The following SLC37A2 variants were observed in gnomAD, a reference collection of about 807,000 sequenced individuals.
SLC37A2 encodes the protein solute carrier family 37 member 2, also known as glucose-6-phosphate exchanger SLC37A2.
In SLC37A2, 59 loss-of-function variants were observed where a neutral mutation model predicts 70.7. The observed-to-expected ratio is 0.83, with a 90% CI of 0.68 to 1.04. The LOEUF (loss-of-function observed/expected upper bound fraction) is 1.04, where lower values mean the gene tolerates loss of function less well. Among genes scored for constraint, SLC37A2 ranks in the 50% least tolerant of loss-of-function variants. The pLI, the probability that SLC37A2 is intolerant of heterozygous loss-of-function variation, is 0.00. For missense variants in SLC37A2, 580 were observed against 658.1 expected (o/e 0.88, Z 1.30); for synonymous variants, 257 against 262.1 (o/e 0.98, Z 0.19).
intron 17 of SLC37A2, chr11:125,087,860 A>G (rs6590128): frequency 0.8 from 288,633 of 359,782 alleles, 117,214 homozygotes; most frequent in East Asian, 0.97. Context: ...TTGAACTCCC[A>G]ACCTCAGGTG....
chr11:125,085,105 A>G lies in SLC37A2; in HGVS notation c.1214A>G (p.Tyr405Cys), dbSNP rs529036374. Residue 405 changes from tyrosine (Y) to cysteine (C), a missense_variant, in exon 14 of 18, where the codon TAC (tyrosine) becomes TGC (cysteine). Coordinates refer to ENST00000403796, the MANE Select transcript of SLC37A2 (RefSeq NM_001145290.2). ...IICGGLVNGP[Y>C]ALITTAVSAD... is the part of the protein sequence containing the mutation. ...TGTGGGGGCCTGGTCAATGGCCCATACGCGCTCATCACCACTGCTGTCTCT... is the reference window on the plus strand; with the variant it reads ...TGTGGGGGCCTGGTCAATGGCCCATGCGCGCTCATCACCACTGCTGTCTCT... 8 of 1,614,006 alleles carry G rather than the reference A, an allele frequency of 5.0e-6. No homozygotes were observed. The highest frequency in any genetic ancestry group is 2.2e-5 in the East Asian group (1 of 44,880).
At chr11:125,084,673 C>T in intron 12 of SLC37A2, 152 bp from the exon 13 acceptor site, 1 of 791,040 alleles carries the variant, frequency 1.3e-6, no homozygotes, top group Non-Finnish European at 2.1e-6. Flanking sequence ...ATCCCTGGGA[C>T]ATTTAAAGAC....
chr11:125,072,039 A>T (rs1949034674), intron 1 of SLC37A2, among the ~76,000 whole-genome samples: 1 of 151,322 alleles, frequency 6.6e-6, no homozygotes, highest in Non-Finnish European at 1.5e-5. Context: ...CTGGGGAGTG[A>T]CTAGGGAGCC....
Position 125,080,211 on chromosome 11 carries a change from A to G in SLC37A2, c.528-403A>G, listed in dbSNP as rs904259307. Among the ~76,000 whole-genome samples, 3 of 152,170 alleles carry G rather than the reference A, an allele frequency of 2.0e-5. No homozygotes were observed. Among genetic ancestry groups the G allele is most frequent in the African/African-American group, 7.2e-5 (3 of 41,434 alleles). On this transcript the variant is annotated intron_variant, in intron 6 of 17. Transcript: ENST00000403796. This position sits in a 1 kb window ranked among gnomAD's most constrained non-coding sequence, Gnocchi z 4.3. ...TCCTGGCATCTGCTCACTGGATGCC[A>G]TAGCACACCCTGAGCTGTGACCATG...
intron 12 of SLC37A2, among the ~76,000 whole-genome samples, chr11:125,084,598 G>A (rs563500110): frequency 6.6e-6 from 1 of 152,352 alleles, no homozygotes; most frequent in Non-Finnish European, 1.5e-5. Context: ...AGAGATTGAG[G>A]TTGAATCTGA....
At chr11:125,076,884 T>TA (rs1949093206) in intron 2 of SLC37A2, 46 bp downstream of exon 2, 1 of 1,590,014 alleles carries the variant, frequency 6.3e-7, no homozygotes, top group African/African-American at 1.3e-5. Flanking sequence ...CACACTGTCG[T>TA]AACCGTCCTT....
chr11:125,068,960 C>T (rs1047315079), intron 1 of SLC37A2, among the ~76,000 whole-genome samples: 2 of 152,174 alleles, frequency 1.3e-5, no homozygotes, highest in Non-Finnish European at 2.9e-5. Context: ...AGTGGACTGG[C>T]CCTGGGCCTT....
At chr11:125,069,842 T>C (rs1351195262) in intron 1 of SLC37A2, among the ~76,000 whole-genome samples, 1 of 152,246 alleles carries the variant, frequency 6.6e-6, no homozygotes, top group Non-Finnish European at 1.5e-5. Flanking sequence ...CCTCCTCCTG[T>C]TAGGCCTTCC....
At position 125,085,457 on chromosome 11, in the gene SLC37A2, C is replaced by T. The variant is rs149315348; in HGVS notation, c.1311C>T (p.Asp437=). The T allele has an allele frequency of 7.2e-5, 117 of 1,613,910 alleles. No individual in the cohort carries two copies. The African/African-American group carries it at 1.1e-3, about 15-fold the overall frequency. Residue 437 remains aspartate, a synonymous_variant, in exon 15 of 18, where the codon GAC becomes GAT. Coordinates refer to ENST00000403796, the MANE Select transcript of SLC37A2 (RefSeq NM_001145290.2). ...KALSTVTAII[D]GTGSIGAALG... ...TGTCCACGGTCACGGCCATCATTGA[C>T]GGCACCGGCTCCATAGGTCTGTGAC...
At chr11:125,065,476 T>C (rs1296906429) in intron 1 of SLC37A2, among the ~76,000 whole-genome samples, 1 of 152,256 alleles carries the variant, frequency 6.6e-6, no homozygotes, top group African/African-American at 2.4e-5. Flanking sequence ...AGGTTTTACC[T>C]ACTGTACTGA....
Position 125,068,555 on chromosome 11 carries a change from A to G in SLC37A2, c.59+5129A>G, listed in dbSNP as rs191193691. ...GGCCCTGCTCTACTTATTGAGTGCC[A>G]AAGGATGGCATTTCCTATGTGCCAT... On this transcript the variant is annotated intron_variant, in intron 1 of 17. Coordinates refer to ENST00000403796, the MANE Select transcript of SLC37A2 (RefSeq NM_001145290.2). 1.6e-4 allele frequency among the ~76,000 whole-genome samples: 24 copies of G among 152,302 alleles called. No individual in the cohort carries two copies. In the East Asian group the frequency reaches 4.0e-3, roughly 26 times the overall value.
intron 3 of SLC37A2, 47 bp from the exon 4 acceptor site, chr11:125,077,402 CA>C: frequency 6.3e-7 from 1 of 1,596,620 alleles, no homozygotes; most frequent in South Asian, 1.1e-5. Context: ...GGGCTTCCTG[CA>C]GGGGCATCCA....
chr11:125,077,267 C>A lies in SLC37A2; in HGVS notation c.179C>A (p.Pro60His), dbSNP rs1591630946. ...CAGAACTGCTCGGAGCAGATCAAAC[C>A]CATCAATGATACTCACAGTCTCAAT... ...LHQNCSEQIKPINDTHSLNDT... is the reference protein window; with the variant it reads ...LHQNCSEQIKHINDTHSLNDT... Residue 60 changes from proline (P) to histidine (H), a missense_variant, in exon 3 of 18, where the codon CCC (proline) becomes CAC (histidine). Physicochemically the swap from Pro to His is moderately conservative, Grantham distance 77 (BLOSUM62 -2). Coordinates refer to ENST00000403796, the MANE Select transcript of SLC37A2 (RefSeq NM_001145290.2). 6.2e-7 allele frequency: 1 copy of A among 1,608,070 alleles called. No homozygotes were observed. Among genetic ancestry groups the A allele is most frequent in the East Asian group, 2.2e-5 (1 of 44,854 alleles).
At chr11:125,076,044 G>A (rs575042265) in intron 1 of SLC37A2, among the ~76,000 whole-genome samples, 11 of 152,260 alleles carry the variant, frequency 7.2e-5, no homozygotes, top group South Asian at 4.1e-4. Flanking sequence ...GGGAGCGGCC[G>A]GGGCACAGTG....
At chr11:125,079,349 G>C (rs1949123762) in intron 5 of SLC37A2, 102 bp downstream of exon 5, 13 of 1,457,250 alleles carry the variant, frequency 8.9e-6, no homozygotes, top group Non-Finnish European at 1.2e-5. Flanking sequence ...CTGGCTCCCT[G>C]TCCAGTGCTC....
In SLC37A2 at chr11:125,071,144, G is replaced by A. The variant is rs144831426; in HGVS notation, c.60-5613G>A. Among the ~76,000 whole-genome samples, 580 of 152,202 alleles carry A rather than the reference G, an allele frequency of 3.8e-3. 5 individuals carry two copies. Among genetic ancestry groups the A allele is most frequent in the African/African-American group, 0.013 (552 of 41,502 alleles). ...ACTAAGTTGGTGTGTGTGTGGGGTG[G>A]GGGGGCGGTGTCACTGCTCTCCTGT... On this transcript the variant is annotated intron_variant, in intron 1 of 17. Transcript: ENST00000403796.
Position 125,081,819 on chromosome 11 carries a change from G to A in SLC37A2, c.798G>A (p.Glu266=), listed in dbSNP as rs761183533. The A allele has an allele frequency of 5.0e-6, 8 of 1,613,870 alleles. No individual in the cohort carries two copies. In the Admixed American group the frequency reaches 1.0e-4, roughly 20 times the overall value. The part of the protein sequence containing the change: ...DPGNSPCSIR[E]SGLETVAKCS... The stretch of plus-strand genomic sequence containing the variant: ...GGAACAGTCCCTGCTCTATCAGGGA[G>A]AGCGGCCTTGAGACTGTGGCCAAAT... Residue 266 remains glutamate (E), a synonymous_variant, in exon 9 of 18, where the codon GAG becomes GAA. Coordinates refer to ENST00000403796, the MANE Select transcript of SLC37A2 (RefSeq NM_001145290.2).
chr11:125,081,987 T>C (rs1264840684), intron 9 of SLC37A2, 81 bp downstream of exon 9: 1 of 1,471,362 alleles, frequency 6.8e-7, no homozygotes, highest in African/African-American at 1.4e-5. Flanking sequence ...GGTGCTTGGG[T>C]GATCTATTTT....
At chr11:125,082,429 C>T in intron 10 of SLC37A2, 95 bp downstream of exon 10, 1 of 1,026,948 alleles carries the variant, frequency 9.7e-7, no homozygotes, top group Admixed American at 1.7e-5. Context: ...CCTGTGATTC[C>T]AGTATATAGG....
Sources: gnomAD v4.1 joint callset for allele counts (sites outside exome capture counted in the v4.1 genomes callset) on GRCh38, gnomAD v4.1.1 for gene constraint, Gnocchi (gnomAD v3.1) non-coding constraint, MANE v1.5 for transcripts, NCBI Gene and HGNC (gene_info 2026-07-23, HGNC 2026-07-21) for gene names.